ZNF821: variants seen among roughly 807,000 people sequenced by gnomAD.
The protein encoded by ZNF821 is zinc finger protein 821.
Under a neutral mutation model 44.3 loss-of-function variants are expected in ZNF821, and 16 were observed. That is an observed-to-expected ratio of 0.36 (90% CI 0.24 to 0.55). ZNF821 has a LOEUF of 0.55. Among genes scored for constraint, ZNF821 ranks in the 20% least tolerant of loss-of-function variants. The probability of loss-of-function intolerance (pLI) is 0.86; values close to 1 mark genes in which losing one functional copy is unlikely to be tolerated. For missense variants in ZNF821, 436 were observed against 547.6 expected (o/e 0.80, Z 2.03); for synonymous variants, 204 against 197.6 (o/e 1.03, Z -0.27).
chr16:71,864,229 A>G lies in ZNF821; in HGVS notation c.326T>C (p.Leu109Ser). 2 of 1,614,216 alleles carry G rather than the reference A, an allele frequency of 1.2e-6. No individual in the cohort carries two copies. ...GAGTTCAAGCAAGGGGTCAGAATTC[A>G]AATTCCCTGTGACCTGTGATTCAAC... ...EVVEHEVTGN[L>S]NSDPLLELCQ... The change falls in exon 6 of 8, where the codon TTG (leucine) becomes TCG (serine). Residue 109 changes from leucine (L) to serine (S), a missense_variant. This residue lies in a region of ZNF821 where 238 missense variants were observed against 281.4 expected (regional missense o/e 0.85). Coordinates refer to ENST00000425432, the MANE Select transcript of ZNF821 (RefSeq NM_001201552.2).
Position 71,890,359 on chromosome 16 carries a change from T to C in ZNF821, n.448+4530A>G, listed in dbSNP as rs1456736299. Among the ~76,000 whole-genome samples, 3 of 151,554 alleles carry C rather than the reference T, an allele frequency of 2.0e-5. No homozygotes were observed. In the East Asian group the frequency reaches 5.8e-4, roughly 29 times the overall value. On this transcript the variant is annotated intron_variant and non_coding_transcript_variant, in intron 1 of 2. Coordinates refer to the ZNF821 transcript ENST00000561700. ...TCTTTCCCTTCTTTCTCTTACACAA[T>C]GTGTAGTACTTTTATGCAGAAGTCA...
chr16:71,868,213 C>T (rs2034767440), intron 3 of ZNF821, among the ~76,000 whole-genome samples, 176 bp from the exon 4 acceptor site: 2 of 152,346 alleles, frequency 1.3e-5, no homozygotes, highest in East Asian at 1.9e-4. Context: ...GCTGCTCTTC[C>T]TGGGCAGTAA....
Position 71,860,593 on chromosome 16 carries a change from C to T in ZNF821, c.664G>A (p.Asp222Asn). ...TACACTGGAGGACTAAAGGCAATAT[C>T]CTTCCCCTCAGCACTGGAGGGACCC... ...NEGPSSAEGK[D>N]IAFSPPVYPA... is the part of the protein sequence containing the mutation. Residue 222 changes from aspartate (D) to asparagine (N), a missense_variant, in exon 8 of 8, where the codon GAT becomes AAT. By Grantham distance (23) the Asp-to-Asn change is conservative (BLOSUM62 1). Coordinates refer to ENST00000425432, the MANE Select transcript of ZNF821 (RefSeq NM_001201552.2). The surrounding 1 kb of genome is among the most constrained non-coding windows in gnomAD (Gnocchi z 7.3). 6.2e-7 allele frequency: 1 copy of T among 1,614,130 alleles called. No homozygotes were observed. The highest frequency in any genetic ancestry group is 8.5e-7 in the Non-Finnish European group (1 of 1,180,042).
chr16:71,872,106 C>T (rs929121269), intron 3 of ZNF821, among the ~76,000 whole-genome samples: 6 of 151,160 alleles, frequency 4.0e-5, no homozygotes, highest in African/African-American at 1.5e-4. Context: ...GGTGGGATTA[C>T]AGGAGTGAGC....
rs150251718 is a variant in ZNF821, at chr16:71,861,859, G to A, written c.501C>T (p.Arg167=). Residue 167 remains arginine, a synonymous_variant, in exon 7 of 8, where the codon CGC becomes CGT. Transcript: ENST00000425432. ...GGTCCTCCGAGTGGATTAAGAGGTG[G>A]CGACCCAATGACCCCGGGGAGCTAA... The part of the protein sequence containing the change: ...RALSSPGSLG[R]HLLIHSEDQR... The A allele has an allele frequency of 2.0e-3, 3,155 of 1,614,110 alleles. 15 individuals carry two copies. In the Middle Eastern group the frequency reaches 0.033, roughly 17 times the overall value.
At chr16:71,863,546 C>T (rs1171914570) in intron 6 of ZNF821, among the ~76,000 whole-genome samples, 1 of 151,736 alleles carries the variant, frequency 6.6e-6, no homozygotes. Flanking sequence ...GCCACCATGC[C>T]CAACTAATTT....
intron 4 of ZNF821, 95 bp downstream of exon 4, chr16:71,867,817 T>G: frequency 6.9e-7 from 1 of 1,457,078 alleles, no homozygotes; most frequent in Non-Finnish European, 9.1e-7. Context: ...TTTCATGTCT[T>G]TCTCCCAACC....
chr16:71,874,890 C>T (rs138707630), intron 3 of ZNF821, among the ~76,000 whole-genome samples: 8 of 152,288 alleles, frequency 5.3e-5, no homozygotes, highest in African/African-American at 9.6e-5. Flanking sequence ...TATTGCCATA[C>T]GCAATGAAAA....
chr16:71,895,252 T>G, exon 1 of ZNF821: 1 of 158,238 alleles, frequency 6.3e-6, no homozygotes, highest in East Asian at 1.9e-4. Flanking sequence ...TCAACAGCTG[T>G]GGCTGGCCTC....
In ZNF821 at chr16:71,862,088, C is replaced by CA. The variant is rs1446370525; in HGVS notation, c.418-147dup. ...TATTCTGTTTAGCCCCTAGAAAAGT[C>CA]AGTCTCTTACATTAGAGGCCCTGGC... On this transcript the variant is annotated intron_variant, in intron 6 of 7. Transcript: ENST00000425432. 5.2e-5 allele frequency: 47 copies of CA among 898,158 alleles called. No individual in the cohort carries two copies. In the East Asian group the frequency reaches 1.2e-3, roughly 23 times the overall value. The allele number at this position is 898,158 out of a possible 1,614,324, so 55.6% of individuals were successfully genotyped here. A position where few individuals can be genotyped will look rare whatever the true frequency, so the allele number is the denominator to read the frequency against.
At chr16:71,879,365 C>T (rs1567438331) in intron 3 of ZNF821, among the ~76,000 whole-genome samples, 5 of 152,116 alleles carry the variant, frequency 3.3e-5, no homozygotes, top group Admixed American at 2.6e-4. Flanking sequence ...ATTTTCTACC[C>T]TCTAAGGCCC....
rs774920782 is a variant in ZNF821, at chr16:71,879,876, C to G, written c.40+31G>C. 8.1e-6 allele frequency: 13 copies of G among 1,607,718 alleles called. No individual in the cohort carries two copies. The Admixed American group carries it at 1.9e-4, about 23-fold the overall frequency. On this transcript the variant is annotated intron_variant, in intron 3 of 7. Coordinates refer to ENST00000425432, the MANE Select transcript of ZNF821 (RefSeq NM_001201552.2). Reference sequence around the variant, plus strand: ...CTTCCATTCCACCCCTTAGCATTCCCAGGTTCCAGAAGACAAAGCCCGATA... The same window carrying G: ...CTTCCATTCCACCCCTTAGCATTCCGAGGTTCCAGAAGACAAAGCCCGATA...
rs1402409973 is a variant in ZNF821 at position 71,860,558 on chromosome 16, T to C, written c.699A>G (p.Gly233=). ...IAFSPPVYPA[G]ILLVCNNCAA... Reference sequence around the variant, plus strand: ...CACAGTTGTTGCACACAAGCAGAATTCCAGCAGGGTACACTGGAGGACTAA... The same window carrying C: ...CACAGTTGTTGCACACAAGCAGAATCCCAGCAGGGTACACTGGAGGACTAA... The change falls in exon 8 of 8, where the codon GGA becomes GGG. Residue 233 remains glycine (G), a synonymous_variant. Transcript: ENST00000425432. This position sits in a 1 kb window ranked among gnomAD's most constrained non-coding sequence, Gnocchi z 7.3. 6.2e-7 allele frequency: 1 copy of C among 1,613,962 alleles called. No homozygotes were observed. The highest frequency in any genetic ancestry group is 1.3e-5 in the African/African-American group (1 of 74,882).
At chr16:71,861,114 A>C (rs558308970) in intron 7 of ZNF821, among the ~76,000 whole-genome samples, 7 of 152,014 alleles carry the variant, frequency 4.6e-5, no homozygotes, top group Admixed American at 3.9e-4. Flanking sequence ...TCGGCCTCCC[A>C]AAGTGCTGGG....
At chr16:71,866,128 C>A (rs1597141153) in intron 4 of ZNF821, among the ~76,000 whole-genome samples, 1 of 152,252 alleles carries the variant, frequency 6.6e-6, no homozygotes, top group African/African-American at 2.4e-5. Flanking sequence ...ACTTCTGGGC[C>A]TGATGTGAGC....
At chr16:71,862,081 GA>G (rs1000448127) in intron 6 of ZNF821, 139 bp from the exon 7 acceptor site, 31 of 1,000,940 alleles carry the variant, frequency 3.1e-5, no homozygotes, top group Admixed American at 8.1e-5. Context: ...TTAGCCCCTA[GA>G]AAAGTCAGTC....
chr16:71,885,224 CTTCTT>C (rs2036805027), upstream of ZNF821: 1 of 152,446 alleles, frequency 6.6e-6, no homozygotes, highest in Non-Finnish European at 1.5e-5. Context: ...TTCCTGTTGC[CTTCTT>C]TTCTTCCTCT....
intron 6 of ZNF821, among the ~76,000 whole-genome samples, chr16:71,863,776 C>A (rs775993897): frequency 6.6e-6 from 1 of 152,072 alleles, no homozygotes; most frequent in African/African-American, 2.4e-5. Flanking sequence ...TGGCTCACTG[C>A]GACCTCCGCC....
intron 6 of ZNF821, among the ~76,000 whole-genome samples, chr16:71,862,838 A>G (rs1489399823): frequency 1.3e-5 from 2 of 152,134 alleles, no homozygotes; most frequent in African/African-American, 4.8e-5. Flanking sequence ...AAAGAACACA[A>G]AAGTCTGGTA....
Sources: allele counts gnomAD v4.1 joint callset (sites outside exome capture counted in the v4.1 genomes callset), GRCh38; gene constraint gnomAD v4.1.1; regional missense constraint gnomAD v4.1.1; non-coding constraint Gnocchi (gnomAD v3.1); transcripts MANE v1.5; gene names NCBI Gene and HGNC (gene_info 2026-07-23, HGNC 2026-07-21).